TTN: variants seen among roughly 807,000 people sequenced by gnomAD.
The protein encoded by TTN is titin.
A neutral mutation model predicts 3,223.0 loss-of-function variants in TTN; 1,525 were observed. The ratio of observed to expected loss-of-function variants is 0.47; its 90% CI spans 0.45 to 0.49. The LOEUF is 0.49. Among genes scored for constraint, TTN ranks in the 20% least tolerant of loss-of-function variants. The pLI, the probability that TTN is intolerant of heterozygous loss-of-function variation, is 0.00. For synonymous variants in TTN, 14,094 were observed against 15,161.0 expected (o/e 0.93, Z 5.17); for missense variants, 40,786 against 43,424.0 (o/e 0.94, Z 5.40).
rs768200802 is a variant in TTN at position 178,664,459 on chromosome 2, C to T, written c.36280+1G>A. The stretch of plus-strand genomic sequence containing the variant: ...CCATAAAAAGACAGTTAAGAATGTA[C>T]CTTTGACAGGTACAACTTCAGCCCT... On this transcript the variant is annotated splice_donor_variant, in intron 168 of 362. Transcript: ENST00000589042. LOFTEE classifies it high-confidence loss of function. The T allele has an allele frequency of 1.9e-6, 3 of 1,609,052 alleles. No homozygotes were observed. The highest frequency in any genetic ancestry group is 2.2e-5 in the South Asian group (2 of 90,560).
At chr2:178,724,704 G>A (rs2079036074) in intron 71 of TTN, 166 bp from the exon 72 acceptor site, 4 of 614,744 alleles carry the variant, frequency 6.5e-6, no homozygotes, top group Non-Finnish European at 9.4e-6. Context: ...TAGAATTATA[G>A]CTATTTTTTA....
At chr2:178,599,974 T>A (rs2052857584) in intron 288 of TTN, 124 bp from the exon 289 acceptor site, 1 of 872,502 alleles carries the variant, frequency 1.1e-6, no homozygotes, top group African/African-American at 1.7e-5. Context: ...CAGCCCAATA[T>A]AAAGAATGGT....
chr2:178,745,844 C>G, intron 47 of TTN: 2 of 1,613,082 alleles, frequency 1.2e-6, no homozygotes, highest in Non-Finnish European at 1.7e-6. Context: ...GTCAGAAATA[C>G]CTTTGATAAA....
rs779410830 is a variant in TTN at position 178,535,858 on chromosome 2, G to GGA, written c.100766-10_100766-9insTC. On this transcript the variant is annotated splice_polypyrimidine_tract_variant and intron_variant, in intron 357 of 362. Transcript: ENST00000589042. Reference sequence around the variant, plus strand: ...GTGTATCTTAGCTGGAACTGTATCAGAAAAAAAAAAAAAAAGAATATAATT... The same window carrying GGA: ...GTGTATCTTAGCTGGAACTGTATCAGGAAAAAAAAAAAAAAAAGAATATAATT... The GGA allele has an allele frequency of 5.7e-6, 7 of 1,235,572 alleles. No individual in the cohort carries two copies. The highest frequency in any genetic ancestry group is 4.2e-6 in the Non-Finnish European group (4 of 941,296). The allele number at this position is 1,235,572 out of a possible 1,614,324, so 76.5% of individuals were successfully genotyped here.
Position 178,556,872 on chromosome 2 carries a change from G to A in TTN, c.88282C>T (p.Pro29428Ser). ...CCATAAGAATCGATGCAAGTAATGGGCCCTACAACCTCAGATGGATTGCTA... is the reference window on the plus strand; with the variant it reads ...CCATAAGAATCGATGCAAGTAATGGACCCTACAACCTCAGATGGATTGCTA... The part of the protein sequence containing the change: ...SISNPSEVVG[P>S]ITCIDSYGGP... The change falls in exon 330 of 363, where the codon CCC (proline) becomes TCC (serine). Residue 29428 changes from proline (P) to serine (S), a missense_variant. Transcript: ENST00000589042. 2 of 1,613,680 alleles carry A rather than the reference G, an allele frequency of 1.2e-6. No individual in the cohort carries two copies. The highest frequency in any genetic ancestry group is 1.7e-6 in the Non-Finnish European group (2 of 1,179,818).
chr2:178,738,192 A>T lies in TTN; in HGVS notation c.14261T>A (p.Ile4754Asn), dbSNP rs1012186680. The T allele has an allele frequency of 6.2e-7, 1 of 1,613,718 alleles. No individual in the cohort carries two copies. The highest frequency in any genetic ancestry group is 1.7e-4 in the Middle Eastern group (1 of 6,060). The stretch of plus-strand genomic sequence containing the variant: ...GGTTCTCAGGATTTCAAGGCTGGAG[A>T]TATACTTTGAAGATCGAATAGAACA... ...DKCSIRSSKY[I>N]SSLEILRTQV... Residue 4754 changes from isoleucine to asparagine, a missense_variant, in exon 49 of 363, where the codon ATC (isoleucine) becomes AAC (asparagine). Coordinates refer to ENST00000589042, the MANE Select transcript of TTN (RefSeq NM_001267550.2).
intron 359 of TTN, 64 bp from the exon 360 acceptor site, chr2:178,529,283 A>G (rs1687958383): frequency 8.2e-7 from 1 of 1,221,154 alleles, no homozygotes; most frequent in African/African-American, 1.5e-5. Flanking sequence ...TTACTCTTCT[A>G]GATTCTGCGT....
At position 178,758,941 on chromosome 2, in the gene TTN, C is replaced by A. The variant is rs189982326; in HGVS notation, c.10303+43G>T. 56 of 1,563,032 alleles carry A rather than the reference C, an allele frequency of 3.6e-5. No individual in the cohort carries two copies. The East Asian group carries it at 1.3e-3, about 35-fold the overall frequency. ...AATTGTTACAGACATTGTTAAGATTCGATCTATATTTAAATGGGGTTCTGA... is the reference window on the plus strand; with the variant it reads ...AATTGTTACAGACATTGTTAAGATTAGATCTATATTTAAATGGGGTTCTGA... On this transcript the variant is annotated intron_variant, in intron 44 of 362. Coordinates refer to ENST00000589042, the MANE Select transcript of TTN (RefSeq NM_001267550.2).
At chr2:178,777,610 T>C (rs2092366631) in intron 25 of TTN, 26 bp from the exon 26 acceptor site, 1 of 1,613,544 alleles carries the variant, frequency 6.2e-7, no homozygotes, top group African/African-American at 1.3e-5. Context: ...TAAAAGAAAG[T>C]AGATTTTAAA....
At position 178,689,370 on chromosome 2, in the gene TTN, G is replaced by A. The variant is rs1178238553; in HGVS notation, c.31931C>T (p.Pro10644Leu). 1.2e-6 allele frequency: 2 copies of A among 1,613,552 alleles called. No individual in the cohort carries two copies. Among genetic ancestry groups the A allele is most frequent in the Non-Finnish European group, 1.7e-6 (2 of 1,179,770 alleles). ...AGGAACTTTCTTCTTTGGTATTTCT[G>A]GCACTTAAAGGATAGTATTGAATTT... ...QREESPPPAVPEIPKKKVPEE... is the reference protein window; with the variant it reads ...QREESPPPAVLEIPKKKVPEE... Residue 10644 changes from proline to leucine, a missense_variant, in exon 124 of 363, where the codon CCA (proline) becomes CTA (leucine). Pro to Leu is a moderately conservative substitution (Grantham distance 98). Coordinates refer to ENST00000589042, the MANE Select transcript of TTN (RefSeq NM_001267550.2).
rs933294998 is a variant in TTN, at chr2:178,620,905, A to G, written c.45705T>C (p.Gly15235=). 1 of 1,612,506 alleles carries G rather than the reference A, an allele frequency of 6.2e-7. No individual in the cohort carries two copies. Among genetic ancestry groups the G allele is most frequent in the Non-Finnish European group, 8.5e-7 (1 of 1,179,152 alleles). ...CATTTCTGAACCATTTGGCTTTGGC[A>G]CCTTCAGTATTGACTTCACAGTTGA... ...VVFNCEVNTE[G]AKAKWFRNEE... The change falls in exon 247 of 363, where the codon GGT becomes GGC. Residue 15235 remains glycine (G), a synonymous_variant. Transcript: ENST00000589042.
At chr2:178,749,635 T>G (rs1574253542) in intron 47 of TTN, 1 of 1,612,414 alleles carries the variant, frequency 6.2e-7, no homozygotes, top group South Asian at 1.1e-5. Context: ...ATTGACTATT[T>G]TCTCTATAAG....
At position 178,634,477 on chromosome 2, in the gene TTN, C is replaced by T. The variant is rs72650080; in HGVS notation, c.42304G>A (p.Ala14102Thr). ...IKSSDKFDII[A>T]DGKKHILVIN... Reference sequence around the variant, plus strand: ...ACAAGAATATGTTTCTTTCCATCAGCGATGATATCAAATTTGTCAGATGAC... The same window carrying T: ...ACAAGAATATGTTTCTTTCCATCAGTGATGATATCAAATTTGTCAGATGAC... Residue 14102 changes from alanine to threonine, a missense_variant, in exon 230 of 363, where the codon GCT (alanine) becomes ACT (threonine). Coordinates refer to ENST00000589042, the MANE Select transcript of TTN (RefSeq NM_001267550.2). The surrounding 1 kb of genome is among the most constrained non-coding windows in gnomAD (Gnocchi z 4.6). 28 of 1,613,066 alleles carry T rather than the reference C, an allele frequency of 1.7e-5. No homozygotes were observed. Among genetic ancestry groups the T allele is most frequent in the East Asian group, 1.3e-4 (6 of 44,804 alleles).
At chr2:178,750,380 T>C (rs2085107233) in intron 47 of TTN, 1 of 1,613,054 alleles carries the variant, frequency 6.2e-7, no homozygotes, top group Non-Finnish European at 8.5e-7. Context: ...ATTCTGATGA[T>C]GAACAGATGA....
rs773485516 is a variant in TTN at position 178,545,826 on chromosome 2, A to G, written c.95410T>C (p.Ser31804Pro). The change falls in exon 343 of 363, where the codon TCA becomes CCA. Residue 31804 changes from serine (S) to proline (P), a missense_variant. By Grantham distance (74) the Ser-to-Pro change is moderately conservative. Coordinates refer to ENST00000589042, the MANE Select transcript of TTN (RefSeq NM_001267550.2). ...VESEPIVARN[S>P]FTIPSPPGIP... ...TAAAAGTGTTAATACTTACTGAATGAGTTTCTGGCTACAATTGGCTCTGAT... is the reference window on the plus strand; with the variant it reads ...TAAAAGTGTTAATACTTACTGAATGGGTTTCTGGCTACAATTGGCTCTGAT... The G allele has an allele frequency of 3.7e-6, 6 of 1,612,840 alleles. No individual in the cohort carries two copies. Among genetic ancestry groups the G allele is most frequent in the Non-Finnish European group, 8.5e-7 (1 of 1,179,010 alleles).
intron 47 of TTN, chr2:178,746,328 T>C (rs1221149163): frequency 6.2e-7 from 1 of 1,612,372 alleles, no homozygotes; most frequent in African/African-American, 1.3e-5. Context: ...GAATCCATAT[T>C]TGGATCTACA....
chr2:178,781,096 A>G (rs1370262009), intron 21 of TTN, 25 bp downstream of exon 21: 1 of 1,613,640 alleles, frequency 6.2e-7, no homozygotes. Context: ...CTTATCATGC[A>G]CATAGAAACT....
At position 178,651,517 on chromosome 2, in the gene TTN, C is replaced by A; in HGVS notation, c.39483G>T (p.Glu13161Asp). The change falls in exon 207 of 363, where the codon GAG (glutamate) becomes GAT (aspartate). Residue 13161 changes from glutamate to aspartate, a missense_variant. Glu to Asp is a conservative substitution (Grantham distance 45). Coordinates refer to ENST00000589042, the MANE Select transcript of TTN (RefSeq NM_001267550.2). ...GAGGCACCTTCTTTTCAGGAACAACCTCCTTGGGCACCTCGGGCACTATAA... is the reference window on the plus strand; with the variant it reads ...GAGGCACCTTCTTTTCAGGAACAACATCCTTGGGCACCTCGGGCACTATAA... ...PPVKVPEVPKEVVPEKKVPLV... is the reference protein window; with the variant it reads ...PPVKVPEVPKDVVPEKKVPLV... 6.2e-7 allele frequency: 1 copy of A among 1,612,802 alleles called. No homozygotes were observed. The highest frequency in any genetic ancestry group is 8.5e-7 in the Non-Finnish European group (1 of 1,179,398).
At chr2:178,781,317 G>A in intron 20 of TTN, 54 bp from the exon 21 acceptor site, 1 of 1,600,452 alleles carries the variant, frequency 6.2e-7, no homozygotes, top group Non-Finnish European at 8.5e-7. Context: ...TCTTCTGTGG[G>A]TAAAATAATT....
Sources: allele counts gnomAD v4.1 joint callset, GRCh38; gene constraint gnomAD v4.1.1; non-coding constraint Gnocchi (gnomAD v3.1); transcripts MANE v1.5; gene names NCBI Gene and HGNC (gene_info 2026-07-23, HGNC 2026-07-21).